The following FMNL2 variants were observed in gnomAD, a reference collection of about 807,000 sequenced individuals.
FMNL2 encodes formin-like protein 2.
A neutral mutation model predicts 130.2 loss-of-function variants in FMNL2; 51 were observed. The observed-to-expected ratio is 0.39, with a 90% CI of 0.31 to 0.49. The LOEUF (loss-of-function observed/expected upper bound fraction) is 0.49, where lower values mean the gene tolerates loss of function less well. FMNL2 is among the 20% of genes least tolerant of loss of function. FMNL2 has a pLI of 0.85. For synonymous variants in FMNL2, 465 were observed against 467.1 expected, an observed-to-expected ratio of 1.00 and a Z score of 0.06; for missense variants, 977 against 1,316.2, an observed-to-expected ratio of 0.74 and a Z score of 3.99.
chr2:152,476,285 C>T (rs1331425046), intron 1 of FMNL2, among the ~76,000 whole-genome samples: 1 of 152,220 alleles, frequency 6.6e-6, no homozygotes, highest in Non-Finnish European at 1.5e-5. Flanking sequence ...TTACTTAAAG[C>T]ACCAGCTATG....
intron 2 of FMNL2, among the ~76,000 whole-genome samples, chr2:152,537,682 A>G (rs1017209695): frequency 6.6e-6 from 1 of 152,212 alleles, no homozygotes; most frequent in African/African-American, 2.4e-5. Context: ...AACATTGTTG[A>G]AGATCAACTG....
intron 1 of FMNL2, among the ~76,000 whole-genome samples, chr2:152,483,024 A>G (rs935801969): frequency 6.6e-6 from 1 of 152,192 alleles, no homozygotes; most frequent in Admixed American, 6.5e-5. Flanking sequence ...TACCTAGATA[A>G]ATAAATAAAT....
At chr2:152,568,359 G>A (rs1695980207) in intron 6 of FMNL2, among the ~76,000 whole-genome samples, 1 of 151,956 alleles carries the variant, frequency 6.6e-6, no homozygotes, top group South Asian at 2.1e-4. Flanking sequence ...AGGATTACAA[G>A]CACTCACCAC....
intron 1 of FMNL2, among the ~76,000 whole-genome samples, chr2:152,416,768 A>G (rs1030561952): frequency 6.6e-6 from 1 of 152,220 alleles, no homozygotes; most frequent in African/African-American, 2.4e-5. Context: ...GGATGTTTTA[A>G]TTTCTAAAGT....
At chr2:152,487,004 C>G (rs1282303472) in intron 1 of FMNL2, among the ~76,000 whole-genome samples, 1 of 152,196 alleles carries the variant, frequency 6.6e-6, no homozygotes, top group Non-Finnish European at 1.5e-5. Flanking sequence ...TGGGTTGGCT[C>G]TTTTGCATAA....
chr2:152,620,887 C>G, intron 15 of FMNL2: 2 of 964,894 alleles, frequency 2.1e-6, no homozygotes, highest in African/African-American at 1.8e-5. Context: ...GATTCCAGTT[C>G]ACAGTAAGGT....
At chr2:152,541,517 G>T (rs566679379) in intron 2 of FMNL2, among the ~76,000 whole-genome samples, 3 of 152,242 alleles carry the variant, frequency 2.0e-5, no homozygotes, top group South Asian at 4.2e-4. Flanking sequence ...CTTTGTAACT[G>T]CTACTCAGAT....
intron 9 of FMNL2, among the ~76,000 whole-genome samples, chr2:152,604,599 C>T (rs572484109): frequency 6.6e-6 from 1 of 151,698 alleles, no homozygotes; most frequent in African/African-American, 2.4e-5. Flanking sequence ...GACCAAAGTA[C>T]ACTGTTTTTT....
At chr2:152,350,329 A>T (rs1359653727) in intron 1 of FMNL2, among the ~76,000 whole-genome samples, 1 of 152,190 alleles carries the variant, frequency 6.6e-6, no homozygotes, top group African/African-American at 2.4e-5. Context: ...TGCCCATGGG[A>T]CAGCCTCAAG....
intron 1 of FMNL2, among the ~76,000 whole-genome samples, chr2:152,394,059 A>G (rs1241245134): frequency 6.6e-6 from 1 of 152,252 alleles, no homozygotes; most frequent in Admixed American, 6.5e-5. Flanking sequence ...GTAATAGATG[A>G]TAACTCATTT....
chr2:152,433,388 A>G (rs983946826), intron 1 of FMNL2, among the ~76,000 whole-genome samples: 39 of 152,186 alleles, frequency 2.6e-4, no homozygotes, highest in African/African-American at 8.2e-4. Flanking sequence ...CTAGGTTACC[A>G]TGTGTTTGTA....
intron 1 of FMNL2, among the ~76,000 whole-genome samples, chr2:152,407,286 A>G (rs936884708): frequency 6.6e-6 from 1 of 152,022 alleles, no homozygotes; most frequent in African/African-American, 2.4e-5. Context: ...TAGGGTGAAC[A>G]TAACATCAAT....
chr2:152,506,208 G>A (rs1395981598), intron 1 of FMNL2, among the ~76,000 whole-genome samples: 1 of 152,176 alleles, frequency 6.6e-6, no homozygotes, highest in Non-Finnish European at 1.5e-5. Context: ...ATGTCCAACT[G>A]TTTTAATAAT....
At chr2:152,467,413 G>A (rs1689611538) in intron 1 of FMNL2, among the ~76,000 whole-genome samples, 1 of 152,088 alleles carries the variant, frequency 6.6e-6, no homozygotes, top group Admixed American at 6.6e-5. Context: ...AATCTTGCTT[G>A]TCCCGTTTGT....
At chr2:152,630,445 A>G (rs1437930449) in intron 20 of FMNL2, among the ~76,000 whole-genome samples, 2 of 152,224 alleles carry the variant, frequency 1.3e-5, no homozygotes, top group African/African-American at 4.8e-5. Flanking sequence ...GTACTTTTCT[A>G]TATTTTCTTA....
intron 25 of FMNL2, among the ~76,000 whole-genome samples, chr2:152,644,130 A>T (rs1448908997): frequency 6.6e-6 from 1 of 152,170 alleles, no homozygotes; most frequent in Non-Finnish European, 1.5e-5. Flanking sequence ...CTGAGGTGGG[A>T]GCATTGCTTG....
At chr2:152,503,376 G>C (rs192245862) in intron 1 of FMNL2, among the ~76,000 whole-genome samples, 1 of 152,282 alleles carries the variant, frequency 6.6e-6, no homozygotes, top group East Asian at 1.9e-4. Context: ...CTTGTTGAAG[G>C]CAGGCCAGGG....
chr2:152,637,308 G>A (rs1041182664), intron 22 of FMNL2, among the ~76,000 whole-genome samples: 5 of 152,216 alleles, frequency 3.3e-5, no homozygotes, highest in Non-Finnish European at 7.4e-5. Flanking sequence ...GTGCATGCAT[G>A]CATGTATGCC....
intron 1 of FMNL2, among the ~76,000 whole-genome samples, chr2:152,463,989 A>G (rs891079613): frequency 9.2e-5 from 14 of 152,168 alleles, no homozygotes; most frequent in African/African-American, 1.9e-4. Context: ...CTGGAGTGCA[A>G]TGGTGCAGTC....
Sources: allele counts gnomAD v4.1 joint callset (sites outside exome capture counted in the v4.1 genomes callset), GRCh38; gene constraint gnomAD v4.1.1; transcripts MANE v1.5; gene names NCBI Gene and HGNC (gene_info 2026-07-23, HGNC 2026-07-21).